Variants in USP6 observed in about 807,000 individuals in gnomAD.
USP6 encodes the protein ubiquitin specific peptidase 6.
A neutral mutation model predicts 175.7 loss-of-function variants in USP6; 128 were observed. The ratio of observed to expected loss-of-function variants is 0.73; its 90% confidence interval spans 0.63 to 0.84. The LOEUF is 0.84. Ranked by LOEUF, USP6 falls within the 40% of genes least tolerant of loss-of-function variation. The pLI is 0.00. For missense variants in USP6, 1,498 were observed against 1,760.3 expected, an observed-to-expected ratio of 0.85 and a Z score of 2.67; for synonymous variants, 562 against 630.6, an observed-to-expected ratio of 0.89 and a Z score of 1.63.
chr17:5,141,607 T>A, intron 23 of USP6, 108 bp downstream of exon 23: 1 of 953,302 alleles, frequency 1.0e-6, no homozygotes, highest in Non-Finnish European at 1.5e-6. Context: ...CAAAAGTAAT[T>A]AGGGCCCTTC....
At position 5,142,395 on chromosome 17, in the gene USP6, A is replaced by G. The variant is rs549304888; in HGVS notation, c.1713-2A>G. Reference sequence around the variant, plus strand: ...CAACAAATTTTCCTCTCAAACTTCTAGGACAAATCCCATTGGTATGAAGGG... The same window carrying G: ...CAACAAATTTTCCTCTCAAACTTCTGGGACAAATCCCATTGGTATGAAGGG... On this transcript the variant is annotated splice_acceptor_variant, in intron 24 of 37. Coordinates refer to ENST00000574788, the MANE Select transcript of USP6 (RefSeq NM_001304284.2). LOFTEE classifies it high-confidence loss of function. The G allele has an allele frequency of 1.2e-6, 2 of 1,610,962 alleles. No homozygotes were observed. The highest frequency in any genetic ancestry group is 2.2e-5 in the East Asian group (1 of 44,844).
rs1368795128 is a variant in USP6 at position 5,163,002 on chromosome 17, A to C, written c.3034A>C (p.Arg1012=). The C allele has an allele frequency of 6.3e-7, 1 of 1,576,188 alleles. No homozygotes were observed. Among genetic ancestry groups the C allele is most frequent in the Non-Finnish European group, 8.6e-7 (1 of 1,169,180 alleles). ...LHLRYQTSQE[R]VVDKHESVEQ... ...CCTTCGCTATCAAACATCCCAGGAA[A>C]GGGTAAGAATTTAGGGCCACCGTAA... The change falls in exon 33 of 38, where the codon AGG becomes CGG. Residue 1012 remains arginine, a splice_region_variant and synonymous_variant. Coordinates refer to ENST00000574788, the MANE Select transcript of USP6 (RefSeq NM_001304284.2).
chr17:5,147,161 T>G lies in USP6; in HGVS notation c.2398T>G (p.Ser800Ala). The G allele has an allele frequency of 6.2e-7, 1 of 1,613,658 alleles. No individual in the cohort carries two copies. Among genetic ancestry groups the G allele is most frequent in the Non-Finnish European group, 8.5e-7 (1 of 1,179,802 alleles). ...LCAFEIPVPS[S>A]PISASSPTQI... is the part of the protein sequence containing the mutation. Reference sequence around the variant, plus strand: ...TGCATTTGAAATTCCTGTCCCTTCATCTCCAATTTCAGCTTCTAGTCCAAC... The same window carrying G: ...TGCATTTGAAATTCCTGTCCCTTCAGCTCCAATTTCAGCTTCTAGTCCAAC... Residue 800 changes from serine (S) to alanine (A), a missense_variant, in exon 29 of 38, where the codon TCT (serine) becomes GCT (alanine). Coordinates refer to ENST00000574788, the MANE Select transcript of USP6 (RefSeq NM_001304284.2).
chr17:5,170,361 C>T (rs1489870763), intron 35 of USP6, 118 bp from the exon 36 acceptor site: 3 of 1,447,300 alleles, frequency 2.1e-6, no homozygotes, highest in East Asian at 4.6e-5. Flanking sequence ...CCAGTCATGA[C>T]TCCCCTGTCT....
intron 28 of USP6, among the ~76,000 whole-genome samples, chr17:5,146,854 T>C (rs2073626013): frequency 2.0e-5 from 3 of 152,186 alleles, no homozygotes; most frequent in Admixed American, 1.3e-4. Context: ...GTCAGTCATG[T>C]ACAACACACT....
In USP6 at chr17:5,147,065, T is replaced by C; in HGVS notation, c.2320-18T>C. ...TCTGAAACATCTCCCCCTTCTCATC[T>C]TGCTGCTGTTTCTGTAGAACTTTCC... is the stretch of plus-strand genomic sequence containing the variant. On this transcript the variant is annotated intron_variant, in intron 28 of 37. Transcript: ENST00000574788. 2.5e-6 allele frequency: 4 copies of C among 1,601,080 alleles called. No individual in the cohort carries two copies. The highest frequency in any genetic ancestry group is 2.6e-6 in the Non-Finnish European group (3 of 1,170,190).
intron 24 of USP6, 125 bp from the exon 25 acceptor site, chr17:5,142,272 G>A (rs1449354514): frequency 9.8e-6 from 15 of 1,537,608 alleles, no homozygotes; most frequent in South Asian, 1.3e-5. Flanking sequence ...TATGAAATAG[G>A]CCAAGGAATA....
chr17:5,145,510 C>G lies in USP6; in HGVS notation c.2098C>G (p.Arg700Gly), dbSNP rs1429504191. 3 of 1,611,830 alleles carry G rather than the reference C, an allele frequency of 1.9e-6. No homozygotes were observed. In the African/African-American group the frequency reaches 4.0e-5, roughly 22 times the overall value. The stretch of plus-strand genomic sequence containing the variant: ...CAAGACATGTGGGCATATAAGTGTC[C>G]GATTTGACCCTTTCAATTTTTTGTC... The part of the protein sequence containing the change: ...KCKTCGHISV[R>G]FDPFNFLSLP... The change falls in exon 27 of 38, where the codon CGA becomes GGA. Residue 700 changes from arginine to glycine, a missense_variant. By Grantham distance (125) the Arg-to-Gly change is moderately radical. Around this residue, in one of 2 missense-constraint regions of USP6, gnomAD observed 1,217 missense variants for 1,500.8 expected, o/e 0.81. Coordinates refer to ENST00000574788, the MANE Select transcript of USP6 (RefSeq NM_001304284.2).
chr17:5,170,562 G>A lies in USP6; in HGVS notation c.3601G>A (p.Gly1201Arg). ...CCCTAATAGCAGCCCACGGACTTTG[G>A]GGAGGAGCAAAGGGAGGCTCCGGCT... ...SSPNSSPRTL[G>R]RSKGRLRLPQ... Residue 1201 changes from glycine (G) to arginine (R), a missense_variant, in exon 36 of 38, where the codon GGG (glycine) becomes AGG (arginine). This residue lies in a region of USP6 where 1,217 missense variants were observed against 1,500.8 expected (regional missense o/e 0.81). Transcript: ENST00000574788. The A allele has an allele frequency of 1.2e-6, 2 of 1,612,114 alleles. No homozygotes were observed. Among genetic ancestry groups the A allele is most frequent in the Non-Finnish European group, 1.7e-6 (2 of 1,179,822 alleles).
chr17:5,137,327 T>G, intron 19 of USP6, 141 bp downstream of exon 19: 2 of 1,143,890 alleles, frequency 1.7e-6, no homozygotes, highest in Non-Finnish European at 2.6e-6. Context: ...CAAAACCCTC[T>G]GCCCAAGAGG....
Position 5,137,425 on chromosome 17 carries a change from T to C in USP6, c.826-226T>C, listed in dbSNP as rs572837236. Among the ~76,000 whole-genome samples, 20 of 152,294 alleles carry C rather than the reference T, an allele frequency of 1.3e-4. No individual in the cohort carries two copies. In the East Asian group the frequency reaches 3.1e-3, roughly 24 times the overall value. On this transcript the variant is annotated intron_variant, in intron 19 of 37. Coordinates refer to ENST00000574788, the MANE Select transcript of USP6 (RefSeq NM_001304284.2). ...CAACTTGAGAGGGCTCAGGGAAGCC[T>C]CAAGCCCTGGGCAAGCCCCTCTCTC...
At position 5,130,545 on chromosome 17, in the gene USP6, C is replaced by T; in HGVS notation, c.73-57C>T. The T allele has an allele frequency of 1.9e-6, 3 of 1,611,260 alleles. No individual in the cohort carries two copies. In the Admixed American group the frequency reaches 5.0e-5, roughly 27 times the overall value. On this transcript the variant is annotated intron_variant, in intron 10 of 37. Transcript: ENST00000574788. The stretch of plus-strand genomic sequence containing the variant: ...GGGCAGGGACGGGTGGCCAATACCC[C>T]CAGGCCCTTGCACCCTTTACCTTGG...
In USP6 at chr17:5,135,925, C is replaced by T. The variant is rs772499239; in HGVS notation, c.661C>T (p.Pro221Ser). 12 of 1,598,202 alleles carry T rather than the reference C, an allele frequency of 7.5e-6. No individual in the cohort carries two copies. Among genetic ancestry groups the T allele is most frequent in the Non-Finnish European group, 1.0e-5 (12 of 1,179,752 alleles). Residue 221 changes from proline to serine, a missense_variant, in exon 17 of 38, where the codon CCA becomes TCA. Physicochemically the swap from Pro to Ser is moderately conservative, Grantham distance 74. This residue lies in a region of USP6 where 1,217 missense variants were observed against 1,500.8 expected (regional missense o/e 0.81). Coordinates refer to ENST00000574788, the MANE Select transcript of USP6 (RefSeq NM_001304284.2). ...GCTGGCCAGTGAGAGGCACTCCCTG[C>T]CAGGTAGGTGAACAGCTGCCCGTGG... ...QLLASERHSL[P>S]GFHSPNGGTV...
chr17:5,149,406 A>AAAAAAC (rs1004536153), intron 30 of USP6, among the ~76,000 whole-genome samples: 55 of 152,272 alleles, frequency 3.6e-4, no homozygotes, highest in African/African-American at 1.2e-3. Context: ...TCATCTCAAA[A>AAAAAAC]AAAAACAAAA....
In USP6 at chr17:5,155,497, T is replaced by A. The variant is rs760104016; in HGVS notation, c.2719T>A (p.Cys907Ser). ...SLFGMPLIVP[C>S]TVHTRKKDLY... Reference sequence around the variant, plus strand: ...CTTTGGAATGCCATTGATTGTTCCATGCACTGTGCATACCCGGAAGAAAGA... The same window carrying A: ...CTTTGGAATGCCATTGATTGTTCCAAGCACTGTGCATACCCGGAAGAAAGA... Residue 907 changes from cysteine to serine, a missense_variant, in exon 31 of 38, where the codon TGC (cysteine) becomes AGC (serine). Physicochemically the swap from Cys to Ser is moderately radical, Grantham distance 112. Around this residue, in one of 2 missense-constraint regions of USP6, gnomAD observed 1,217 missense variants for 1,500.8 expected, o/e 0.81. Transcript: ENST00000574788. 6.2e-7 allele frequency: 1 copy of A among 1,614,168 alleles called. No homozygotes were observed. The highest frequency in any genetic ancestry group is 1.1e-5 in the South Asian group (1 of 91,076).
chr17:5,152,671 G>A (rs1387206904), intron 30 of USP6, among the ~76,000 whole-genome samples: 3 of 152,146 alleles, frequency 2.0e-5, no homozygotes, highest in Admixed American at 6.6e-5. Flanking sequence ...AATGAATCTC[G>A]TAAACCTAAT....
At chr17:5,134,041 C>T (rs775639513) in intron 15 of USP6, 45 bp downstream of exon 15, 88 of 1,585,222 alleles carry the variant, frequency 5.6e-5, no homozygotes, top group Admixed American at 1.7e-4. Context: ...ATGGGGTGAA[C>T]GAGAGGGATG....
chr17:5,171,027 T>C, intron 36 of USP6, 112 bp downstream of exon 36: 1 of 1,313,378 alleles, frequency 7.6e-7, no homozygotes, highest in Non-Finnish European at 1.0e-6. Flanking sequence ...AGCATTGAGC[T>C]TAGTGATAGA....
At chr17:5,146,448 A>G (rs1019200971) in intron 28 of USP6, among the ~76,000 whole-genome samples, 5 of 152,138 alleles carry the variant, frequency 3.3e-5, no homozygotes, top group Non-Finnish European at 5.9e-5. Flanking sequence ...ACTATAGTAT[A>G]GGTTTCCTCC....
Sources: gnomAD v4.1 joint callset for allele counts (sites outside exome capture counted in the v4.1 genomes callset) on GRCh38, gnomAD v4.1.1 for gene constraint, gnomAD v4.1.1 regional missense constraint, MANE v1.5 for transcripts, NCBI Gene and HGNC (gene_info 2026-07-23, HGNC 2026-07-21) for gene names.